The following RABGAP1L variants were observed in gnomAD, a reference collection of about 807,000 sequenced individuals.
RABGAP1L encodes the protein rab GTPase-activating protein 1-like.
In RABGAP1L, 63 loss-of-function variants were observed where a neutral mutation model predicts 137.7. The observed-to-expected ratio is 0.46, with a 90% CI of 0.37 to 0.56. RABGAP1L has a LOEUF of 0.56. RABGAP1L is among the 20% of genes least tolerant of loss of function. The probability of loss-of-function intolerance (pLI) is 0.00; values close to 1 mark genes in which losing one functional copy is unlikely to be tolerated. For synonymous variants in RABGAP1L, 431 were observed against 433.7 expected, an observed-to-expected ratio of 0.99 and a Z score of 0.08; for missense variants, 1,095 against 1,244.0, an observed-to-expected ratio of 0.88 and a Z score of 1.80.
intron 13 of RABGAP1L, among the ~76,000 whole-genome samples, chr1:174,460,257 GTTATTT>G (rs1330737715): frequency 3.3e-5 from 5 of 151,508 alleles, no homozygotes; most frequent in African/African-American, 9.7e-5. Context: ...CATTCATTTA[GTTATTT>G]TTATTTTTAA....
At chr1:174,438,744 G>GTGTA (rs1161311071) in intron 13 of RABGAP1L, among the ~76,000 whole-genome samples, 64 of 95,446 alleles carry the variant, frequency 6.7e-4, no homozygotes, top group South Asian at 5.3e-3. Context: ...GTGTGTGTGT[G>GTGTA]TATATATATA....
chr1:174,516,636 A>G (rs1662881934), intron 13 of RABGAP1L, among the ~76,000 whole-genome samples: 2 of 152,220 alleles, frequency 1.3e-5, no homozygotes, highest in Non-Finnish European at 2.9e-5. Context: ...GATAATATTT[A>G]CTGAGTACAC....
At chr1:174,543,275 CT>C (rs1665653003) in intron 13 of RABGAP1L, among the ~76,000 whole-genome samples, 1 of 152,156 alleles carries the variant, frequency 6.6e-6, no homozygotes, top group African/African-American at 2.4e-5. Context: ...AATCTGGATG[CT>C]TCTGTATTGG....
chr1:174,945,756 A>G (rs1433152060), intron 19 of RABGAP1L: 1 of 152,246 alleles, frequency 6.6e-6, no homozygotes, highest in African/African-American at 2.4e-5. Flanking sequence ...GAAATAGAGA[A>G]GAAGGGCACT....
intron 13 of RABGAP1L, among the ~76,000 whole-genome samples, chr1:174,502,596 A>G (rs943640264): frequency 6.9e-6 from 1 of 145,278 alleles, no homozygotes; most frequent in African/African-American, 2.6e-5. Flanking sequence ...ATATATATAT[A>G]TGTACATATA....
At chr1:174,568,811 T>C in intron 13 of RABGAP1L, among the ~76,000 whole-genome samples, 1 of 152,184 alleles carries the variant, frequency 6.6e-6, no homozygotes, top group East Asian at 1.9e-4. Flanking sequence ...CTGTTTACAC[T>C]ATGCAGATAA....
At chr1:174,272,643 A>C (rs1480320554) in intron 8 of RABGAP1L, among the ~76,000 whole-genome samples, 163 bp downstream of exon 8, 1 of 152,022 alleles carries the variant, frequency 6.6e-6, no homozygotes, top group East Asian at 1.9e-4. Flanking sequence ...ATTACTTGTG[A>C]AAGAGGAATT....
rs193025571 is a variant in RABGAP1L at position 174,932,163 on chromosome 1, T to A, written c.2341-25294T>A. Reference sequence around the variant, plus strand: ...GGAATCATCTGGTACTTTTCCTTCATATAGGATGAAGGAAACCGCTCCAGG... The same window carrying A: ...GGAATCATCTGGTACTTTTCCTTCAAATAGGATGAAGGAAACCGCTCCAGG... On this transcript the variant is annotated intron_variant, in intron 19 of 25. Coordinates refer to ENST00000681986, the MANE Select transcript of RABGAP1L (RefSeq NM_001366446.1). 2.0e-5 allele frequency among the ~76,000 whole-genome samples: 3 copies of A among 151,866 alleles called. No homozygotes were observed. In the East Asian group the frequency reaches 5.8e-4, roughly 29 times the overall value.
chr1:174,395,469 A>G (rs1647714806), intron 13 of RABGAP1L, among the ~76,000 whole-genome samples: 1 of 152,178 alleles, frequency 6.6e-6, no homozygotes, highest in African/African-American at 2.4e-5. Flanking sequence ...AAACAAACTC[A>G]TGTAACAAAG....
chr1:174,773,807 C>T (rs1686310517), intron 18 of RABGAP1L, among the ~76,000 whole-genome samples: 1 of 152,170 alleles, frequency 6.6e-6, no homozygotes, highest in South Asian at 2.1e-4. Flanking sequence ...ATGAAGTCAT[C>T]CCTGAATACT....
intron 13 of RABGAP1L, among the ~76,000 whole-genome samples, chr1:174,543,963 C>A (rs557259976): frequency 1.1e-4 from 16 of 152,182 alleles, no homozygotes; most frequent in African/African-American, 3.6e-4. Context: ...CCGAGAGATC[C>A]GCTGTTAGTC....
At chr1:174,364,925 A>G (rs985130148) in intron 11 of RABGAP1L, among the ~76,000 whole-genome samples, 1 of 152,130 alleles carries the variant, frequency 6.6e-6, no homozygotes, top group African/African-American at 2.4e-5. Context: ...AATGTTATCC[A>G]GGAGCTGGGG....
intron 20 of RABGAP1L, among the ~76,000 whole-genome samples, chr1:174,968,246 G>C (rs1488304855): frequency 6.6e-6 from 1 of 152,068 alleles, no homozygotes; most frequent in Non-Finnish European, 1.5e-5. Flanking sequence ...TCACTGCTTT[G>C]TCTGAGTTTT....
At chr1:174,789,491 TAAA>T (rs1416014771) in intron 18 of RABGAP1L, among the ~76,000 whole-genome samples, 2 of 152,326 alleles carry the variant, frequency 1.3e-5, no homozygotes, top group African/African-American at 4.8e-5. Context: ...GAAATTGATA[TAAA>T]ATAACTGCCT....
At chr1:174,214,376 G>A (rs1439704594) in intron 1 of RABGAP1L, among the ~76,000 whole-genome samples, 1 of 152,042 alleles carries the variant, frequency 6.6e-6, no homozygotes, top group African/African-American at 2.4e-5. Flanking sequence ...TTCATGGGTT[G>A]GAGGAACCAA....
intron 19 of RABGAP1L, among the ~76,000 whole-genome samples, chr1:174,921,778 G>C (rs1226047237): frequency 6.6e-6 from 1 of 152,064 alleles, no homozygotes; most frequent in Non-Finnish European, 1.5e-5. Context: ...TGAATTTTTT[G>C]TCTTGTGTTA....
intron 13 of RABGAP1L, among the ~76,000 whole-genome samples, chr1:174,550,999 C>CATGTATATATATATATATATATAT: frequency 1.2e-5 from 1 of 86,348 alleles, no homozygotes; most frequent in African/African-American, 8.3e-5. Flanking sequence ...TATATATACA[C>CATGTATATATATATATATATATAT]ATATATATAT....
intron 13 of RABGAP1L, among the ~76,000 whole-genome samples, chr1:174,623,956 A>T (rs1173099516): frequency 1.3e-5 from 2 of 152,222 alleles, no homozygotes; most frequent in East Asian, 3.8e-4. Context: ...AGATGAAACC[A>T]AACTGGAACC....
At chr1:174,525,948 A>G (rs570099873) in intron 13 of RABGAP1L, among the ~76,000 whole-genome samples, 147 of 152,220 alleles carry the variant, frequency 9.7e-4, no homozygotes, top group African/African-American at 3.4e-3. Context: ...TGATTTGCAT[A>G]TATTAAATCA....
Sources: gnomAD v4.1 joint callset for allele counts (sites outside exome capture counted in the v4.1 genomes callset) on GRCh38, gnomAD v4.1.1 for gene constraint, MANE v1.5 for transcripts, NCBI Gene and HGNC (gene_info 2026-07-23, HGNC 2026-07-21) for gene names.